LRP1: variants seen among roughly 807,000 people sequenced by gnomAD.
LRP1 encodes prolow-density lipoprotein receptor-related protein 1.
A neutral mutation model predicts 541.5 loss-of-function variants in LRP1; 51 were observed. The observed-to-expected ratio is 0.09, with a 90% CI of 0.08 to 0.12. LRP1 has a LOEUF of 0.12. Among genes scored for constraint, LRP1 ranks in the 10% least tolerant of loss-of-function variants. The pLI is 1.00. For synonymous variants in LRP1, 2,219 were observed against 2,470.8 expected (o/e 0.90, Z 3.02); for missense variants, 3,878 against 6,376.2 (o/e 0.61, Z 13.34).
chr12:57,184,230 G>A lies in LRP1; in HGVS notation c.6059+16G>A. 3.1e-6 allele frequency: 5 copies of A among 1,613,460 alleles called. No individual in the cohort carries two copies. Among genetic ancestry groups the A allele is most frequent in the Non-Finnish European group, 4.2e-6 (5 of 1,179,450 alleles). ...CGGAGAAAGGGTGAGGAGCTGGAAA[G>A]ACTGGCCTTGTCATTCTGCCCATGG... On this transcript the variant is annotated intron_variant, in intron 37 of 88. Transcript: ENST00000243077. The surrounding 1 kb of genome is among the most constrained non-coding windows in gnomAD (Gnocchi z 7.8).
Position 57,156,034 on chromosome 12 carries a change from C to T in LRP1, c.1228-60C>T. 2.8e-6 allele frequency: 4 copies of T among 1,427,286 alleles called. No individual in the cohort carries two copies. The highest frequency in any genetic ancestry group is 3.9e-6 in the Non-Finnish European group (4 of 1,022,476). The allele number at this position is 1,427,286 out of a possible 1,614,324, so 88.4% of individuals were successfully genotyped here. On this transcript the variant is annotated intron_variant, in intron 8 of 88. Coordinates refer to ENST00000243077, the MANE Select transcript of LRP1 (RefSeq NM_002332.3). The surrounding 1 kb of genome is among the most constrained non-coding windows in gnomAD (Gnocchi z 5.2). ...GTCTGGAGGAAGCTGAGGGGATCTCCAGGACAGAGGGAGGAACCCCTGTCA... is the reference window on the plus strand; with the variant it reads ...GTCTGGAGGAAGCTGAGGGGATCTCTAGGACAGAGGGAGGAACCCCTGTCA...
chr12:57,202,336 GC>G, intron 67 of LRP1, 84 bp from the exon 68 acceptor site: 1 of 1,115,452 alleles, frequency 9.0e-7, no homozygotes, highest in Non-Finnish European at 1.4e-6. Context: ...CACCCTCCCT[GC>G]CAGGCCAGCC....
At chr12:57,203,100 T>G in intron 68 of LRP1, 81 bp from the exon 69 acceptor site, 2 of 1,049,126 alleles carry the variant, frequency 1.9e-6, no homozygotes, top group Non-Finnish European at 1.4e-6. Flanking sequence ...GGATGGGCCT[T>G]GGGCTCGGGA....
chr12:57,206,579 T>C lies in LRP1; in HGVS notation c.11697T>C (p.Ser3899=), dbSNP rs2036783975. 1.2e-6 allele frequency: 2 copies of C among 1,613,906 alleles called. No individual in the cohort carries two copies. Among genetic ancestry groups the C allele is most frequent in the African/African-American group, 2.7e-5 (2 of 74,866 alleles). The stretch of plus-strand genomic sequence containing the variant: ...AGCAGGCATTCCAGGGTGACGAGAG[T>C]GTCCGCATTGATGCTATGGATGTCC... ...AYEQAFQGDE[S]VRIDAMDVHV... is the part of the protein sequence containing the mutation. Residue 3899 remains serine (S), a synonymous_variant, in exon 76 of 89, where the codon AGT becomes AGC. Coordinates refer to ENST00000243077, the MANE Select transcript of LRP1 (RefSeq NM_002332.3). The surrounding 1 kb of genome is among the most constrained non-coding windows in gnomAD (Gnocchi z 4.7).
At position 57,138,584 on chromosome 12, in the gene LRP1, A is replaced by G. The variant is rs770582906; in HGVS notation, c.190+3A>G. The stretch of plus-strand genomic sequence containing the variant: ...ATCTGACGAGGCCCCTGAGATTTGT[A>G]AGTACCTTTTCTGGATTCTTCTCCC... On this transcript the variant is annotated splice_donor_region_variant and intron_variant, in intron 2 of 88. Transcript: ENST00000243077. The G allele has an allele frequency of 1.2e-6, 2 of 1,613,742 alleles. No individual in the cohort carries two copies. Among genetic ancestry groups the G allele is most frequent in the East Asian group, 2.2e-5 (1 of 44,886 alleles).
At chr12:57,181,541 A>G (rs1237512612) in intron 34 of LRP1, among the ~76,000 whole-genome samples, 1 of 152,194 alleles carries the variant, frequency 6.6e-6, no homozygotes, top group African/African-American at 2.4e-5. Flanking sequence ...TAGGACAAGT[A>G]GGATTTGGAT....
At chr12:57,155,537 G>GA (rs2035601893) in intron 8 of LRP1, 1 of 153,888 alleles carries the variant, frequency 6.5e-6, no homozygotes, top group Admixed American at 6.4e-5. Flanking sequence ...TCTCTGGTTA[G>GA]AAGATTCCAT....
In LRP1 at chr12:57,158,305, T is replaced by G; in HGVS notation, c.1562-97T>G. On this transcript the variant is annotated intron_variant, in intron 10 of 88. Transcript: ENST00000243077. The surrounding 1 kb of genome is among the most constrained non-coding windows in gnomAD (Gnocchi z 5.3). ...CGCATCCCTAACGTCTCCTGACCCA[T>G]CACAGCTAGGGCATTGCAGCCCCTT... is the stretch of plus-strand genomic sequence containing the variant. 1 of 985,772 alleles carries G rather than the reference T, an allele frequency of 1.0e-6. No individual in the cohort carries two copies. Among genetic ancestry groups the G allele is most frequent in the Non-Finnish European group, 1.5e-6 (1 of 647,904 alleles). The allele number at this position is 985,772 out of a possible 1,614,324, so 61.1% of individuals were successfully genotyped here. A position where few individuals can be genotyped will look rare whatever the true frequency, so the allele number is the denominator to read the frequency against.
intron 43 of LRP1, 62 bp downstream of exon 43, chr12:57,191,071 C>T (rs34769606): frequency 1.8e-4 from 273 of 1,516,174 alleles, no homozygotes; most frequent in African/African-American, 1.1e-3. Context: ...CAGGGTCAGC[C>T]GTCAACCAAG....
rs1198526451 is a variant in LRP1 at position 57,143,728 on chromosome 12, C to G, written c.378C>G (p.Pro126=). The part of the protein sequence containing the change: ...SRLGCQHHCV[P]TLDGPTCYCN... ...TGGGCTGCCAGCACCATTGTGTCCCCACACTCGATGGGCCCACCTGCTACT... is the reference window on the plus strand; with the variant it reads ...TGGGCTGCCAGCACCATTGTGTCCCGACACTCGATGGGCCCACCTGCTACT... The change falls in exon 4 of 89, where the codon CCC becomes CCG. Residue 126 remains proline, a synonymous_variant. Coordinates refer to ENST00000243077, the MANE Select transcript of LRP1 (RefSeq NM_002332.3). 6.2e-7 allele frequency: 1 copy of G among 1,614,210 alleles called. No homozygotes were observed. The highest frequency in any genetic ancestry group is 1.7e-5 in the Admixed American group (1 of 60,032).
rs1378806987 is a variant in LRP1, at chr12:57,194,571, C to G, written c.8069-6C>G. 3 of 1,612,536 alleles carry G rather than the reference C, an allele frequency of 1.9e-6. No homozygotes were observed. The Admixed American group carries it at 5.0e-5, about 27-fold the overall frequency. ...GCAGGGCCCTCACACCTGCCTCGCCCCCCAGGTGTGAAACGCCCCAGATGC... is the reference window on the plus strand; with the variant it reads ...GCAGGGCCCTCACACCTGCCTCGCCGCCCAGGTGTGAAACGCCCCAGATGC... On this transcript the variant is annotated splice_polypyrimidine_tract_variant and splice_region_variant and intron_variant, in intron 49 of 88. Coordinates refer to ENST00000243077, the MANE Select transcript of LRP1 (RefSeq NM_002332.3).
chr12:57,203,417 A>T lies in LRP1; in HGVS notation c.10847A>T (p.Asp3616Val). ...EKDCTPRCDM[D>V]QFQCKSGHCI... ...GACTGCACCCCCCGCTGTGACATGG[A>T]CCAGTTCCAGTGCAAGAGCGGCCAC... Residue 3616 changes from aspartate to valine, a missense_variant, in exon 70 of 89, where the codon GAC (aspartate) becomes GTC (valine). This residue lies in a region of LRP1 where 278 missense variants were observed against 536.3 expected (regional missense o/e 0.52). Transcript: ENST00000243077. 1 of 1,610,040 alleles carries T rather than the reference A, an allele frequency of 6.2e-7. No individual in the cohort carries two copies. The highest frequency in any genetic ancestry group is 2.2e-5 in the East Asian group (1 of 44,730).
chr12:57,184,474 TG>T lies in LRP1; in HGVS notation c.6186+24del. ...CCAGGTTCGCACGCCAACTTGGCCT[TG>T]GATCCGATGGTAGACCCCTGACCCA... On this transcript the variant is annotated intron_variant, in intron 38 of 88. Coordinates refer to ENST00000243077, the MANE Select transcript of LRP1 (RefSeq NM_002332.3). This position sits in a 1 kb window ranked among gnomAD's most constrained non-coding sequence, Gnocchi z 7.8. 6.2e-7 allele frequency: 1 copy of T among 1,613,952 alleles called. No homozygotes were observed. The highest frequency in any genetic ancestry group is 1.3e-5 in the African/African-American group (1 of 75,066).
intron 3 of LRP1, 101 bp downstream of exon 3, chr12:57,141,612 G>A: frequency 7.0e-7 from 1 of 1,429,786 alleles, no homozygotes; most frequent in Non-Finnish European, 9.6e-7. Flanking sequence ...ATGAGGCCTT[G>A]TCCTGGTCCC....
chr12:57,210,916 A>T lies in LRP1; in HGVS notation c.12916+37A>T, dbSNP rs764455111. ...ATCCCTGGGCCCCAGGGCATGCGGGAGGGTGACGGGGGACCCCAGAGCATG... is the reference window on the plus strand; with the variant it reads ...ATCCCTGGGCCCCAGGGCATGCGGGTGGGTGACGGGGGACCCCAGAGCATG... On this transcript the variant is annotated intron_variant, in intron 83 of 88. Transcript: ENST00000243077. The T allele has an allele frequency of 5.7e-6, 9 of 1,592,590 alleles. No homozygotes were observed. The East Asian group carries it at 2.0e-4, about 36-fold the overall frequency.
Position 57,205,705 on chromosome 12 carries a change from G to C in LRP1, c.11590+28G>C, listed in dbSNP as rs764270047. 25 of 1,604,146 alleles carry C rather than the reference G, an allele frequency of 1.6e-5. No individual in the cohort carries two copies. The highest frequency in any genetic ancestry group is 2.1e-5 in the Non-Finnish European group (25 of 1,178,976). On this transcript the variant is annotated intron_variant, in intron 75 of 88. Transcript: ENST00000243077. The surrounding 1 kb of genome is among the most constrained non-coding windows in gnomAD (Gnocchi z 4.6). ...GCCGGAGCCACCAGAGGGCAGAAAG[G>C]CTGGGTGGGGCAGGGCGACCAGGAT...
intron 1 of LRP1, among the ~76,000 whole-genome samples, chr12:57,134,211 CCT>C (rs1310261564): frequency 2.0e-5 from 3 of 152,130 alleles, no homozygotes; most frequent in African/African-American, 7.2e-5. Context: ...ACAGACGGCC[CCT>C]GTGTCCTGGT....
chr12:57,143,758 C>G lies in LRP1; in HGVS notation c.408C>G (p.Asn136Lys), dbSNP rs1565715511. The G allele has an allele frequency of 1.2e-6, 2 of 1,614,160 alleles. No homozygotes were observed. The highest frequency in any genetic ancestry group is 1.7e-6 in the Non-Finnish European group (2 of 1,179,998). The change falls in exon 4 of 89, where the codon AAC (asparagine) becomes AAG (lysine). Residue 136 changes from asparagine (N) to lysine (K), a missense_variant. This residue lies in a region of LRP1 where 293 missense variants were observed against 403.7 expected (regional missense o/e 0.73). Coordinates refer to ENST00000243077, the MANE Select transcript of LRP1 (RefSeq NM_002332.3). The part of the protein sequence containing the change: ...PTLDGPTCYC[N>K]SSFQLQADGK... ...TCGATGGGCCCACCTGCTACTGCAA[C>G]AGCAGCTTTCAGCTTCAGGCAGATG...
chr12:57,138,169 CAAG>C (rs1384758142), intron 1 of LRP1, among the ~76,000 whole-genome samples: 1 of 152,092 alleles, frequency 6.6e-6, no homozygotes, highest in Non-Finnish European at 1.5e-5. Flanking sequence ...TGAGAGTAAC[CAAG>C]AATAGCAAAG....
Sources: gnomAD v4.1 joint callset for allele counts (sites outside exome capture counted in the v4.1 genomes callset) on GRCh38, gnomAD v4.1.1 for gene constraint, gnomAD v4.1.1 regional missense constraint, Gnocchi (gnomAD v3.1) non-coding constraint, MANE v1.5 for transcripts, NCBI Gene and HGNC (gene_info 2026-07-23, HGNC 2026-07-21) for gene names.